The following IFT122 variants were observed in gnomAD, a reference collection of about 807,000 sequenced individuals.
IFT122 encodes intraflagellar transport 122.
A neutral mutation model predicts 161.6 loss-of-function variants in IFT122; 118 were observed. That is an observed-to-expected ratio of 0.73 (90% CI 0.63 to 0.85). The LOEUF is 0.85. Ranked by LOEUF, IFT122 falls within the 40% of genes least tolerant of loss-of-function variation. IFT122 has a pLI of 0.00. For missense variants in IFT122, 1,381 were observed against 1,579.6 expected (o/e 0.87, Z 2.13); for synonymous variants, 550 against 602.4 (o/e 0.91, Z 1.27).
chr3:129,473,251 TACC>T (rs1186952563), intron 9 of IFT122, among the ~76,000 whole-genome samples: 1 of 152,228 alleles, frequency 6.6e-6, no homozygotes, highest in Non-Finnish European at 1.5e-5. Flanking sequence ...AGTGAACTCT[TACC>T]ACTGCACTCC....
chr3:129,508,113 G>T (rs912200831), intron 23 of IFT122, among the ~76,000 whole-genome samples: 1 of 152,170 alleles, frequency 6.6e-6, no homozygotes, highest in African/African-American at 2.4e-5. Flanking sequence ...ATTAACCAAA[G>T]GCTCGAGATC....
At position 129,507,674 on chromosome 3, in the gene IFT122, C is replaced by T; in HGVS notation, c.2798C>T (p.Ala933Val). The T allele has an allele frequency of 1.2e-6, 2 of 1,613,940 alleles. No individual in the cohort carries two copies. Among genetic ancestry groups the T allele is most frequent in the South Asian group, 1.1e-5 (1 of 91,088 alleles). Residue 933 changes from alanine to valine, a missense_variant, in exon 23 of 30, where the codon GCC (alanine) becomes GTC (valine). This residue lies in a region of IFT122 where 496 missense variants were observed against 502.5 expected (regional missense o/e 0.99). Coordinates refer to ENST00000348417, the MANE Select transcript of IFT122 (RefSeq NM_052989.3). Reference protein sequence around the residue: ...MQCLDIAQDPAQKDTMLGKFY... With the variant: ...MQCLDIAQDPVQKDTMLGKFY... ...CACCCGCTGCACACAGCAGATCCTGCCCAGAAGGACACAATGCTTGGCAAG... is the reference window on the plus strand; with the variant it reads ...CACCCGCTGCACACAGCAGATCCTGTCCAGAAGGACACAATGCTTGGCAAG...
At chr3:129,468,546 G>C (rs551300033) in intron 8 of IFT122, among the ~76,000 whole-genome samples, 3 of 152,306 alleles carry the variant, frequency 2.0e-5, no homozygotes, top group African/African-American at 7.2e-5. Flanking sequence ...GTTTCCCCAT[G>C]TTGGCCAGGC....
At chr3:129,446,315 T>C (rs934654421) in intron 1 of IFT122, among the ~76,000 whole-genome samples, 2 of 151,816 alleles carry the variant, frequency 1.3e-5, no homozygotes, top group African/African-American at 4.8e-5. Flanking sequence ...AGCTCCACCT[T>C]CCGGGTTCAC....
intron 6 of IFT122, 90 bp from the exon 7 acceptor site, chr3:129,464,545 T>C (rs1020405617): frequency 2.6e-6 from 4 of 1,520,122 alleles, no homozygotes; most frequent in Non-Finnish European, 3.6e-6. Context: ...CATCAGACTT[T>C]TATTTCAAAC....
At chr3:129,502,915 C>T (rs1209773060) in intron 20 of IFT122, 33 bp downstream of exon 20, 4 of 1,600,940 alleles carry the variant, frequency 2.5e-6, no homozygotes, top group Admixed American at 1.7e-5. Flanking sequence ...GGGCTGGGGC[C>T]CCACCTGAGC....
chr3:129,469,498 C>T, intron 9 of IFT122, 81 bp downstream of exon 9: 1 of 1,105,898 alleles, frequency 9.0e-7, no homozygotes, highest in East Asian at 2.4e-5. Flanking sequence ...ATTAATTATA[C>T]ATTATCATTG....
intron 26 of IFT122, among the ~76,000 whole-genome samples, 170 bp from the exon 27 acceptor site, chr3:129,517,299 C>T (rs2084072176): frequency 1.5e-5 from 2 of 129,626 alleles, no homozygotes; most frequent in Non-Finnish European, 3.5e-5. Flanking sequence ...CACACACACA[C>T]ACAGAGACTG....
rs2078012844 is a variant in IFT122, at chr3:129,476,922, C to T, written c.1147+121C>T. On this transcript the variant is annotated intron_variant, in intron 11 of 29. Coordinates refer to ENST00000348417, the MANE Select transcript of IFT122 (RefSeq NM_052989.3). ...CTTTGGCGTTTTGCAAACCTGTTAG[C>T]CACTGGGTCTGTGTCTTGTTTTCTT... 24 of 1,206,462 alleles carry T rather than the reference C, an allele frequency of 2.0e-5. No homozygotes were observed. In the South Asian group the frequency reaches 2.9e-4, roughly 15 times the overall value. 74.7% of individuals were successfully genotyped at this position (1,206,462 alleles called of 1,614,324 possible).
chr3:129,446,690 C>G (rs933756065), intron 1 of IFT122, among the ~76,000 whole-genome samples: 2 of 152,100 alleles, frequency 1.3e-5, no homozygotes, highest in African/African-American at 4.8e-5. Flanking sequence ...CGAGCTGCAC[C>G]CTGACCACCT....
At chr3:129,489,804 A>T (rs1309750526) in intron 16 of IFT122, among the ~76,000 whole-genome samples, 6 of 147,968 alleles carry the variant, frequency 4.1e-5, no homozygotes, top group South Asian at 2.1e-4. Flanking sequence ...GTGCCACTGC[A>T]CTCCAGCCTG....
chr3:129,465,563 C>T (rs550105763), intron 7 of IFT122, among the ~76,000 whole-genome samples: 11 of 150,076 alleles, frequency 7.3e-5, no homozygotes, highest in South Asian at 2.1e-4. Context: ...CTCCACCTCT[C>T]GGGTTCACGC....
chr3:129,506,621 T>C, intron 22 of IFT122, 72 bp downstream of exon 22: 1 of 1,598,968 alleles, frequency 6.3e-7, no homozygotes, highest in Non-Finnish European at 8.6e-7. Context: ...TCAGAAGAGC[T>C]GGGACATTTT....
chr3:129,459,849 G>A (rs987850516), intron 4 of IFT122, among the ~76,000 whole-genome samples: 2 of 151,270 alleles, frequency 1.3e-5, no homozygotes, highest in African/African-American at 4.9e-5. Flanking sequence ...AACCTTCCAG[G>A]CTCAAATAAT....
intron 7 of IFT122, among the ~76,000 whole-genome samples, chr3:129,465,733 C>G (rs2108139422): frequency 7.8e-6 from 1 of 127,872 alleles, no homozygotes; most frequent in Non-Finnish European, 1.5e-5. Flanking sequence ...AGCTCCGCTT[C>G]CCGGGTTCAC....
At position 129,480,767 on chromosome 3, in the gene IFT122, C is replaced by G. The variant is rs2078543814; in HGVS notation, c.1489-763C>G. ...TGGCTTTGTCATCCTGGGCAGGTCA[C>G]TTTACCTCTGTGAGGCTGGTTTTAC... On this transcript the variant is annotated intron_variant, in intron 13 of 29. Transcript: ENST00000348417. 2.6e-5 allele frequency among the ~76,000 whole-genome samples: 4 copies of G among 152,142 alleles called. No individual in the cohort carries two copies. The South Asian group carries it at 8.3e-4, about 32-fold the overall frequency.
intron 24 of IFT122, 81 bp from the exon 25 acceptor site, chr3:129,514,308 C>T (rs1459376949): frequency 6.7e-7 from 1 of 1,495,396 alleles, no homozygotes; most frequent in Non-Finnish European, 9.2e-7. Context: ...GTGTTCCAGC[C>T]TGGGGCTCAC....
At position 129,467,175 on chromosome 3, in the gene IFT122, G is replaced by A. The variant is rs1456957574; in HGVS notation, c.740+109G>A. 1.5e-5 allele frequency: 15 copies of A among 1,006,524 alleles called. No individual in the cohort carries two copies. In the African/African-American group the frequency reaches 1.9e-4, roughly 13 times the overall value. 62.3% of individuals were successfully genotyped at this position (1,006,524 alleles called of 1,614,324 possible). A position where few individuals can be genotyped will look rare whatever the true frequency, so the allele number is the denominator to read the frequency against. On this transcript the variant is annotated intron_variant, in intron 8 of 29. Transcript: ENST00000348417. Reference sequence around the variant, plus strand: ...TGGCCAAGGGAGTGCAGGGACTAGGGGGAACTGTGGGTGAAAGCGCCTTCA... The same window carrying A: ...TGGCCAAGGGAGTGCAGGGACTAGGAGGAACTGTGGGTGAAAGCGCCTTCA...
chr3:129,466,657 A>G lies in IFT122; in HGVS notation c.564-233A>G, dbSNP rs962577586. On this transcript the variant is annotated intron_variant, in intron 7 of 29. Transcript: ENST00000348417. ...GCTTGGATCACAGGCACATGCCACT[A>G]CACCTGTCTAATTTTTTGTATTTTT... Among the ~76,000 whole-genome samples, 3 of 151,550 alleles carry G rather than the reference A, an allele frequency of 2.0e-5. 1 individual carries two copies. The highest frequency in any genetic ancestry group is 2.0e-4 in the Admixed American group (3 of 15,224).
Sources: gnomAD v4.1 joint callset for allele counts (sites outside exome capture counted in the v4.1 genomes callset) on GRCh38, gnomAD v4.1.1 for gene constraint, gnomAD v4.1.1 regional missense constraint, MANE v1.5 for transcripts, NCBI Gene and HGNC (gene_info 2026-07-23, HGNC 2026-07-21) for gene names.